The following NIBAN1 variants were observed in gnomAD, a reference collection of about 807,000 sequenced individuals.
NIBAN1 encodes the protein protein Niban 1.
NIBAN1 carries 81 observed loss-of-function variants against 75.1 expected under a neutral mutation model. The observed-to-expected ratio is 1.08, with a 90% CI of 0.90 to 1.30. The LOEUF is 1.30. Among genes scored for constraint, NIBAN1 ranks in the 50% most tolerant of loss-of-function variants. The probability of loss-of-function intolerance (pLI) is 0.00; values close to 1 mark genes in which losing one functional copy is unlikely to be tolerated. For missense variants in NIBAN1, 1,133 were observed against 1,128.1 expected (o/e 1.00, Z -0.06); for synonymous variants, 436 against 424.8 (o/e 1.03, Z -0.32).
chr1:184,890,125 T>C lies in NIBAN1; in HGVS notation c.416A>G (p.His139Arg). 6.2e-7 allele frequency: 1 copy of C among 1,613,640 alleles called. No homozygotes were observed. Among genetic ancestry groups the C allele is most frequent in the African/African-American group, 1.3e-5 (1 of 75,024 alleles). Residue 139 changes from histidine to arginine, a missense_variant, in exon 4 of 14, where the codon CAT becomes CGT. His to Arg is a conservative substitution (Grantham distance 29, BLOSUM62 0). Transcript: ENST00000367511. Reference protein sequence around the residue: ...EDEYNLLSDRHFPDPLASSEK... With the variant: ...EDEYNLLSDRRFPDPLASSEK... Reference sequence around the variant, plus strand: ...CAACTCACCAAGAGGGTCTGGGAAATGCCTGTCAGACAACAGATTATATTC... The same window carrying C: ...CAACTCACCAAGAGGGTCTGGGAAACGCCTGTCAGACAACAGATTATATTC...
chr1:184,795,687 C>T lies in NIBAN1; in HGVS notation c.2077G>A (p.Glu693Lys). The T allele has an allele frequency of 6.2e-7, 1 of 1,614,102 alleles. No individual in the cohort carries two copies. Among genetic ancestry groups the T allele is most frequent in the Non-Finnish European group, 8.5e-7 (1 of 1,179,994 alleles). Residue 693 changes from glutamate to lysine, a missense_variant, in exon 14 of 14, where the codon GAA becomes AAA. Transcript: ENST00000367511. ...TCTGGCTCTTCCTGGGCGGGTTCTT[C>T]ATCCTCAAGGGTCCCTCCAAACTCC... Reference protein sequence around the residue: ...ELEFGGTLEDEEPAQEEPEPI... With the variant: ...ELEFGGTLEDKEPAQEEPEPI...
chr1:184,951,274 G>T (rs1412005481), intron 1 of NIBAN1, among the ~76,000 whole-genome samples: 2 of 152,188 alleles, frequency 1.3e-5, no homozygotes, highest in African/African-American at 2.4e-5. Flanking sequence ...CACGTGTAAT[G>T]TTCTTACCCT....
At chr1:184,930,958 G>C (rs1200700200) in intron 1 of NIBAN1, among the ~76,000 whole-genome samples, 1 of 151,388 alleles carries the variant, frequency 6.6e-6, no homozygotes, top group Non-Finnish European at 1.5e-5. Flanking sequence ...ATTTTAAAAA[G>C]AGCGTGTTTC....
At position 184,791,747 on chromosome 1, in the gene NIBAN1, A is replaced by T. The variant is rs1219436406; in HGVS notation, c.*3230T>A. 1 of 152,194 alleles carries T rather than the reference A, an allele frequency of 6.6e-6. No homozygotes were observed. The highest frequency in any genetic ancestry group is 2.4e-5 in the African/African-American group (1 of 41,436). 9.4% of individuals were successfully genotyped at this position (152,194 alleles called of 1,614,324 possible). A position where few individuals can be genotyped will look rare whatever the true frequency, so the allele number is the denominator to read the frequency against. Reference sequence around the variant, plus strand: ...AGAGTGGCAAACAGAGGCTAAGGAAAAAAATGCTGTTCATTTAGATCAGAA... The same window carrying T: ...AGAGTGGCAAACAGAGGCTAAGGAATAAAATGCTGTTCATTTAGATCAGAA... On this transcript the variant is annotated 3_prime_UTR_variant, in exon 14 of 14. Transcript: ENST00000367511.
chr1:184,941,097 A>T (rs1658077370), intron 1 of NIBAN1, among the ~76,000 whole-genome samples: 1 of 152,356 alleles, frequency 6.6e-6, no homozygotes, highest in South Asian at 2.1e-4. Flanking sequence ...AAGCACTTAC[A>T]GTTTTGACAA....
intron 1 of NIBAN1, among the ~76,000 whole-genome samples, chr1:184,907,708 G>A (rs943815620): frequency 2.6e-5 from 4 of 152,208 alleles, no homozygotes; most frequent in Non-Finnish European, 5.9e-5. Context: ...ATGCCTTAGA[G>A]AACGGGGATA....
intron 1 of NIBAN1, among the ~76,000 whole-genome samples, chr1:184,969,061 C>T (rs1658869912): frequency 6.6e-6 from 1 of 152,230 alleles, no homozygotes; most frequent in South Asian, 2.1e-4. Flanking sequence ...CTTCTATCTA[C>T]ATCCCATTGG....
rs1406447610 is a variant in NIBAN1 at position 184,805,961 on chromosome 1, T to C, written c.1431A>G (p.Lys477=). 1 of 1,613,942 alleles carries C rather than the reference T, an allele frequency of 6.2e-7. No individual in the cohort carries two copies. The highest frequency in any genetic ancestry group is 1.7e-5 in the Admixed American group (1 of 60,018). Residue 477 remains lysine, a synonymous_variant, in exon 11 of 14, where the codon AAA becomes AAG. Coordinates refer to ENST00000367511, the MANE Select transcript of NIBAN1 (RefSeq NM_052966.4). ...ACGGTTTTACCTTTAAGACTCGGAG[T>C]TTAACCTTCTCAATGGCAACTGCAG... is the stretch of plus-strand genomic sequence containing the variant. ...SKTAVAIEKV[K]LRVLKQYDYD...
In NIBAN1 at chr1:184,931,289, C is replaced by G. The variant is rs983333602; in HGVS notation, c.56-31980G>C. Among the ~76,000 whole-genome samples, 5 of 152,208 alleles carry G rather than the reference C, an allele frequency of 3.3e-5. 1 individual carries two copies. The South Asian group carries it at 1.0e-3, about 32-fold the overall frequency. On this transcript the variant is annotated intron_variant, in intron 1 of 13. Transcript: ENST00000367511. ...TGCTGGGATTACAGGCGTGAGCCACCGCACCCAGCCCTCATTTTAACCTCT... is the reference window on the plus strand; with the variant it reads ...TGCTGGGATTACAGGCGTGAGCCACGGCACCCAGCCCTCATTTTAACCTCT...
intron 1 of NIBAN1, among the ~76,000 whole-genome samples, chr1:184,925,612 G>T: frequency 6.6e-6 from 1 of 151,060 alleles, no homozygotes; most frequent in Non-Finnish European, 1.5e-5. Flanking sequence ...CATGAGGCTT[G>T]CAAATAATAT....
rs192850739 is a variant in NIBAN1, at chr1:184,801,161, C to T, written c.1554+2424G>A. On this transcript the variant is annotated intron_variant, in intron 12 of 13. Coordinates refer to ENST00000367511, the MANE Select transcript of NIBAN1 (RefSeq NM_052966.4). ...GACTTAGCCATGGGATTTGCGGTCT[C>T]TTGCCTGGAAGGACAGTATTTACAG... 1.2e-4 allele frequency among the ~76,000 whole-genome samples: 18 copies of T among 152,294 alleles called. No homozygotes were observed. In the East Asian group the frequency reaches 3.1e-3, roughly 26 times the overall value.
intron 5 of NIBAN1, among the ~76,000 whole-genome samples, chr1:184,856,051 T>G (rs996633755): frequency 6.6e-6 from 1 of 152,244 alleles, no homozygotes; most frequent in Non-Finnish European, 1.5e-5. Flanking sequence ...GTGTTATTCT[T>G]CAGTATCAAA....
At chr1:184,955,282 T>C (rs970034479) in intron 1 of NIBAN1, among the ~76,000 whole-genome samples, 3 of 148,614 alleles carry the variant, frequency 2.0e-5, no homozygotes, top group African/African-American at 4.9e-5. Context: ...CAAATAGATA[T>C]AAAAGGCTTC....
chr1:184,823,662 A>G lies in NIBAN1; in HGVS notation c.798T>C (p.Asn266=). The change falls in exon 7 of 14, where the codon AAT becomes AAC. Residue 266 remains asparagine, a synonymous_variant. Coordinates refer to ENST00000367511, the MANE Select transcript of NIBAN1 (RefSeq NM_052966.4). The part of the protein sequence containing the change: ...DLLPKMKGKK[N]DRKRTWLGLL... ...CACCAAGCCACGTCCTCTTTCTGTC[A>G]TTCTTCTTCCCCTTCATCTTAGGCA... 1 of 1,614,184 alleles carries G rather than the reference A, an allele frequency of 6.2e-7. No homozygotes were observed. Among genetic ancestry groups the G allele is most frequent in the Non-Finnish European group, 8.5e-7 (1 of 1,180,004 alleles).
At chr1:184,937,019 T>G (rs183303119) in intron 1 of NIBAN1, among the ~76,000 whole-genome samples, 4 of 152,202 alleles carry the variant, frequency 2.6e-5, no homozygotes, top group African/African-American at 9.6e-5. Flanking sequence ...CCTCCTATGC[T>G]CCTTTCTTCC....
intron 1 of NIBAN1, among the ~76,000 whole-genome samples, chr1:184,946,944 A>C (rs1200636631): frequency 6.6e-6 from 1 of 152,072 alleles, no homozygotes; most frequent in East Asian, 1.9e-4. Flanking sequence ...GTGGTGGTGC[A>C]TGCCTATAAT....
At position 184,795,906 on chromosome 1, in the gene NIBAN1, G is replaced by A; in HGVS notation, c.1858C>T (p.Gln620Ter). The A allele has an allele frequency of 6.2e-7, 1 of 1,614,026 alleles. No homozygotes were observed. Among genetic ancestry groups the A allele is most frequent in the South Asian group, 1.1e-5 (1 of 91,040 alleles). Residue 620 changes from glutamine to a stop codon, truncating the protein, a stop_gained, in exon 14 of 14, where the codon CAG becomes TAG. Coordinates refer to ENST00000367511, the MANE Select transcript of NIBAN1 (RefSeq NM_052966.4). LOFTEE classifies it low-confidence loss of function (END_TRUNC). ...GSETLSNEVFQESEEEKQPEV... is the reference protein window; with the variant it reads ...GSETLSNEVF ...GGCTGCTTCTCTTCCTCTGACTCCTGGAATACTTCGTTACTGAGGGTCTCA... is the reference window on the plus strand; with the variant it reads ...GGCTGCTTCTCTTCCTCTGACTCCTAGAATACTTCGTTACTGAGGGTCTCA...
At position 184,797,746 on chromosome 1, in the gene NIBAN1, C is replaced by G. The variant is rs543374301; in HGVS notation, c.1666+333G>C. Among the ~76,000 whole-genome samples the G allele has an allele frequency of 6.6e-5, 10 of 152,342 alleles. No homozygotes were observed. The South Asian group carries it at 1.7e-3, about 25-fold the overall frequency. ...GTCTGGAATAGCAAGAGGAAGACAG[C>G]TCTTCATGAGAGACCCGAGATTTAA... On this transcript the variant is annotated intron_variant, in intron 13 of 13. Coordinates refer to ENST00000367511, the MANE Select transcript of NIBAN1 (RefSeq NM_052966.4).
intron 9 of NIBAN1, among the ~76,000 whole-genome samples, chr1:184,814,049 T>C (rs904419955): frequency 6.6e-6 from 1 of 152,224 alleles, no homozygotes; most frequent in Admixed American, 6.5e-5. Context: ...TATAAGAACA[T>C]ATGGAAATGT....
Sources: allele counts gnomAD v4.1 joint callset (sites outside exome capture counted in the v4.1 genomes callset), GRCh38; gene constraint gnomAD v4.1.1; transcripts MANE v1.5; gene names NCBI Gene and HGNC (gene_info 2026-07-23, HGNC 2026-07-21).